Variants in PDE4D observed in about 807,000 individuals in gnomAD.
PDE4D encodes the protein 3',5'-cyclic-AMP phosphodiesterase 4D.
A neutral mutation model predicts 87.4 loss-of-function variants in PDE4D; 24 were observed. The observed-to-expected ratio is 0.27, with a 90% CI of 0.20 to 0.39. The LOEUF (loss-of-function observed/expected upper bound fraction) is 0.39. Ranked by LOEUF, PDE4D falls within the 10% of genes least tolerant of loss-of-function variation. The pLI, the probability that PDE4D is intolerant of heterozygous loss-of-function variation, is 1.00. For synonymous variants in PDE4D, 384 were observed against 383.2 expected, an observed-to-expected ratio of 1.00 and a Z score of -0.02; for missense variants, 714 against 1,041.0, an observed-to-expected ratio of 0.69 and a Z score of 4.32.
chr5:59,760,198 A>C (rs555369268), intron 1 of PDE4D, among the ~76,000 whole-genome samples: 9 of 152,324 alleles, frequency 5.9e-5, no homozygotes, highest in African/African-American at 2.2e-4. Flanking sequence ...GTTTACTTTT[A>C]AATATGAGCA....
chr5:59,559,757 A>C (rs1386750215), intron 1 of PDE4D, among the ~76,000 whole-genome samples: 5 of 152,224 alleles, frequency 3.3e-5, no homozygotes, highest in Non-Finnish European at 7.3e-5. Context: ...AATTTTGAGA[A>C]GCTTCTTACA....
At chr5:58,989,525 A>T (rs1489489059) in intron 10 of PDE4D, among the ~76,000 whole-genome samples, 1 of 152,194 alleles carries the variant, frequency 6.6e-6, no homozygotes. Context: ...ATCATTTCAA[A>T]GAAGCAATAT....
intron 11 of PDE4D, among the ~76,000 whole-genome samples, chr5:58,987,109 C>T (rs1332092380): frequency 6.6e-6 from 1 of 152,174 alleles, no homozygotes; most frequent in African/African-American, 2.4e-5. Context: ...CCAGCATGCA[C>T]TGTATTGCAT....
chr5:60,249,936 G>A (rs1184596624), intron 1 of PDE4D, among the ~76,000 whole-genome samples: 3 of 151,998 alleles, frequency 2.0e-5, no homozygotes, highest in Middle Eastern at 3.2e-3. Flanking sequence ...GCCATATAAT[G>A]TGGGAGACAT....
chr5:60,047,003 C>CT (rs1562020545), intron 2 of PDE4D, among the ~76,000 whole-genome samples: 1 of 151,906 alleles, frequency 6.6e-6, no homozygotes, highest in Non-Finnish European at 1.5e-5. Flanking sequence ...GTCCTGGACT[C>CT]TTTTTGGTTG....
At chr5:60,515,404 C>G (rs1415698747) in intron 1 of PDE4D, among the ~76,000 whole-genome samples, 1 of 152,074 alleles carries the variant, frequency 6.6e-6, no homozygotes, top group African/African-American at 2.4e-5. Flanking sequence ...TTAGTCCCCC[C>G]ATTAATTTAC....
intron 2 of PDE4D, among the ~76,000 whole-genome samples, chr5:60,127,167 G>A (rs779112367): frequency 2.0e-5 from 3 of 152,106 alleles, no homozygotes; most frequent in Non-Finnish European, 2.9e-5. Context: ...GTGGAAAGTC[G>A]GTGTACAAGA....
intron 2 of PDE4D, among the ~76,000 whole-genome samples, chr5:59,995,969 T>C (rs1324702808): frequency 2.0e-5 from 3 of 152,246 alleles, no homozygotes; most frequent in Non-Finnish European, 2.9e-5. Flanking sequence ...ATATTGGTGT[T>C]ACTAGCAATG....
In PDE4D at chr5:58,970,992, C is replaced by G. The variant is rs1307254393; in HGVS notation, c.*3672G>C. On this transcript the variant is annotated 3_prime_UTR_variant, in exon 15 of 15. Transcript: ENST00000340635. ...AGATGGCAAACAACCATCACACATG[C>G]AGTGCTGCTCCCTGGCAAGAAGTAC... The G allele has an allele frequency of 6.6e-6, 1 of 151,492 alleles. No individual in the cohort carries two copies. The highest frequency in any genetic ancestry group is 1.9e-4 in the East Asian group (1 of 5,172). The allele number at this position is 151,492 out of a possible 1,614,324, so 9.4% of individuals were successfully genotyped here. A position where few individuals can be genotyped will look rare whatever the true frequency, so the allele number is the denominator to read the frequency against.
intron 5 of PDE4D, among the ~76,000 whole-genome samples, chr5:59,077,914 T>G (rs144216558): frequency 3.9e-5 from 6 of 152,302 alleles, no homozygotes; most frequent in African/African-American, 1.4e-4. Context: ...TAACCAAAAC[T>G]TCTCTGAAGA....
chr5:59,507,631 C>A, intron 1 of PDE4D, among the ~76,000 whole-genome samples: 1 of 131,338 alleles, frequency 7.6e-6, no homozygotes, highest in Admixed American at 8.6e-5. Flanking sequence ...TGGTACTGTA[C>A]TACAGCCTGG....
chr5:59,661,164 A>G (rs533706395), intron 1 of PDE4D, among the ~76,000 whole-genome samples: 1 of 151,414 alleles, frequency 6.6e-6, no homozygotes, highest in South Asian at 2.1e-4. Flanking sequence ...CAAAGTTTTA[A>G]TAACTATAAA....
intron 1 of PDE4D, among the ~76,000 whole-genome samples, chr5:59,610,016 C>T (rs911276936): frequency 6.6e-6 from 1 of 152,150 alleles, no homozygotes; most frequent in Admixed American, 6.5e-5. Context: ...CTCCTTTCTA[C>T]TCTGCAGGTG....
intron 1 of PDE4D, among the ~76,000 whole-genome samples, chr5:59,816,620 T>C (rs1467916982): frequency 6.6e-6 from 1 of 152,212 alleles, no homozygotes; most frequent in African/African-American, 2.4e-5. Flanking sequence ...GGATATACAA[T>C]GTATATTTTG....
At chr5:59,275,566 T>C (rs964628234) in intron 1 of PDE4D, 5 of 1,414,802 alleles carry the variant, frequency 3.5e-6, no homozygotes, top group Non-Finnish European at 4.6e-6. Flanking sequence ...GTCCAGCTCA[T>C]GGGCAAGGTT....
intron 1 of PDE4D, among the ~76,000 whole-genome samples, chr5:60,257,064 T>G (rs1428775779): frequency 6.6e-6 from 1 of 151,838 alleles, no homozygotes; most frequent in African/African-American, 2.4e-5. Context: ...TTTGTATATG[T>G]CAAGGATATC....
intron 1 of PDE4D, among the ~76,000 whole-genome samples, chr5:59,315,922 A>G (rs1400621017): frequency 6.6e-6 from 1 of 152,182 alleles, no homozygotes; most frequent in Non-Finnish European, 1.5e-5. Context: ...AGAATCAGGA[A>G]ATAGTAACTT....
intron 2 of PDE4D, among the ~76,000 whole-genome samples, chr5:60,112,810 G>T (rs1028051069): frequency 1.3e-5 from 2 of 152,052 alleles, no homozygotes; most frequent in African/African-American, 4.8e-5. Flanking sequence ...GAACACAGAG[G>T]AGAATGGCTC....
At chr5:59,683,513 C>T (rs1044222059) in intron 1 of PDE4D, among the ~76,000 whole-genome samples, 3 of 152,160 alleles carry the variant, frequency 2.0e-5, no homozygotes, top group Admixed American at 6.5e-5. Flanking sequence ...AAAGCACACT[C>T]AGCATAAAAT....
Sources: allele counts gnomAD v4.1 joint callset (sites outside exome capture counted in the v4.1 genomes callset), GRCh38; gene constraint gnomAD v4.1.1; transcripts MANE v1.5; gene names NCBI Gene and HGNC (gene_info 2026-07-23, HGNC 2026-07-21).